OPA1: variants seen among roughly 807,000 people sequenced by gnomAD.
The protein encoded by OPA1 is dynamin-like GTPase OPA1, mitochondrial.
OPA1 carries 59 observed loss-of-function variants against 152.9 expected under a neutral mutation model. The ratio of observed to expected loss-of-function variants is 0.39; its 90% CI spans 0.31 to 0.48. The LOEUF (loss-of-function observed/expected upper bound fraction) is 0.48. Among genes scored for constraint, OPA1 ranks in the 20% least tolerant of loss-of-function variants. OPA1 has a pLI of 0.96. For synonymous variants in OPA1, 400 were observed against 389.9 expected, an observed-to-expected ratio of 1.03 and a Z score of -0.31; for missense variants, 1,008 against 1,216.8, an observed-to-expected ratio of 0.83 and a Z score of 2.55.
chr3:193,616,469 CCTTT>C (rs1389621160), intron 3 of OPA1, among the ~76,000 whole-genome samples: 3 of 152,150 alleles, frequency 2.0e-5, no homozygotes, highest in African/African-American at 7.2e-5. Flanking sequence ...TGCCAAGTAG[CCTTT>C]CTATTAATAA....
At chr3:193,606,115 G>A (rs567866819) in intron 1 of OPA1, among the ~76,000 whole-genome samples, 8 of 152,214 alleles carry the variant, frequency 5.3e-5, no homozygotes, top group African/African-American at 1.9e-4. Context: ...GGCCTAGAGG[G>A]AGGTTTATCA....
At chr3:193,670,492 G>A (rs771357114) in intron 29 of OPA1, among the ~76,000 whole-genome samples, 40 of 149,044 alleles carry the variant, frequency 2.7e-4, no homozygotes, top group Non-Finnish European at 4.4e-4. Flanking sequence ...TCTGCCTCCC[G>A]AGTAGCTGGG....
At chr3:193,644,220 A>G in intron 16 of OPA1, 115 bp downstream of exon 16, 1 of 1,231,360 alleles carries the variant, frequency 8.1e-7, no homozygotes, top group Non-Finnish European at 1.2e-6. Flanking sequence ...TACAACTAAG[A>G]TTTATTACAA....
chr3:193,654,948 A>G lies in OPA1; in HGVS notation c.2099A>G (p.Asn700Ser), dbSNP rs142694017. ...TACCTTCCAGCTGCGCAGACCATGAATTCAGGAACTTTTAACACCACAGTG... is the reference window on the plus strand; with the variant it reads ...TACCTTCCAGCTGCGCAGACCATGAGTTCAGGAACTTTTAACACCACAGTG... ...NIYLPAAQTMNSGTFNTTVDI... is the reference protein window; with the variant it reads ...NIYLPAAQTMSSGTFNTTVDI... Residue 700 changes from asparagine (N) to serine (S), a missense_variant, in exon 22 of 31, where the codon AAT becomes AGT. Coordinates refer to ENST00000361510, the MANE Select transcript of OPA1 (RefSeq NM_130837.3). 19 of 1,614,012 alleles carry G rather than the reference A, an allele frequency of 1.2e-5. No homozygotes were observed. In the African/African-American group the frequency reaches 2.5e-4, roughly 22 times the overall value.
intron 11 of OPA1, among the ~76,000 whole-genome samples, chr3:193,642,536 CTTG>C (rs1733941906): frequency 6.6e-6 from 1 of 152,174 alleles, no homozygotes; most frequent in African/African-American, 2.4e-5. Flanking sequence ...AACCAGCATT[CTTG>C]TTGGGAAATC....
chr3:193,605,609 T>A (rs1388663467), intron 1 of OPA1, among the ~76,000 whole-genome samples: 1 of 152,220 alleles, frequency 6.6e-6, no homozygotes, highest in Non-Finnish European at 1.5e-5. Context: ...GTTTCGATCT[T>A]ATCAATTTCT....
chr3:193,637,863 TA>T, intron 10 of OPA1, 88 bp from the exon 11 acceptor site: 3 of 1,094,336 alleles, frequency 2.7e-6, no homozygotes, highest in Non-Finnish European at 4.1e-6. Context: ...TTTAAAAGAC[TA>T]AAAAACTCAG....
At chr3:193,688,561 T>G (rs1329301483) in intron 29 of OPA1, among the ~76,000 whole-genome samples, 1 of 140,878 alleles carries the variant, frequency 7.1e-6, no homozygotes, top group Non-Finnish European at 1.5e-5. Flanking sequence ...CACTGCAACC[T>G]CCGCCTCCCG....
At chr3:193,597,761 AG>A (rs1239258168) in intron 1 of OPA1, among the ~76,000 whole-genome samples, 1 of 151,740 alleles carries the variant, frequency 6.6e-6, no homozygotes, top group Non-Finnish European at 1.5e-5. Flanking sequence ...TAGCTAGAGC[AG>A]GGAAATGGGG....
rs527411379 is a variant in OPA1, at chr3:193,625,287, A to G, written c.679-805A>G. 2.2e-3 allele frequency among the ~76,000 whole-genome samples: 330 copies of G among 152,156 alleles called. 3 individuals carry two copies. Among genetic ancestry groups the G allele is most frequent in the Middle Eastern group, 0.014 (4 of 294 alleles). On this transcript the variant is annotated intron_variant, in intron 6 of 30. Coordinates refer to ENST00000361510, the MANE Select transcript of OPA1 (RefSeq NM_130837.3). ...AAGGTGATTTTTTGTGCATAGGTCCAAACTGTGTTTTGTTTTCATTTCAGA... is the reference window on the plus strand; with the variant it reads ...AAGGTGATTTTTTGTGCATAGGTCCGAACTGTGTTTTGTTTTCATTTCAGA...
At position 193,654,016 on chromosome 3, in the gene OPA1, C is replaced by T. The variant is rs1362560510; in HGVS notation, c.2013-846C>T. The stretch of plus-strand genomic sequence containing the variant: ...TTAAACATGTAATTACCATATGATC[C>T]AAACATTCCACTCTTAGGTATTTAC... On this transcript the variant is annotated intron_variant, in intron 21 of 30. Coordinates refer to ENST00000361510, the MANE Select transcript of OPA1 (RefSeq NM_130837.3). 2.6e-5 allele frequency among the ~76,000 whole-genome samples: 4 copies of T among 152,032 alleles called. No homozygotes were observed. The East Asian group carries it at 7.7e-4, about 29-fold the overall frequency.
chr3:193,668,445 A>G, intron 29 of OPA1: 1 of 1,550,520 alleles, frequency 6.4e-7, no homozygotes, highest in Non-Finnish European at 8.7e-7. Context: ...TTCGTCATGG[A>G]GTCCCTTTTA....
chr3:193,623,577 C>T (rs1314564419), intron 6 of OPA1, among the ~76,000 whole-genome samples: 1 of 152,036 alleles, frequency 6.6e-6, no homozygotes, highest in African/African-American at 2.4e-5. Flanking sequence ...AGCCAGGAGT[C>T]AGGAGATATT....
At chr3:193,663,496 C>G (rs917465437) in intron 26 of OPA1, among the ~76,000 whole-genome samples, 1 of 152,028 alleles carries the variant, frequency 6.6e-6, no homozygotes, top group Admixed American at 6.6e-5. Context: ...TTTTGCTTAC[C>G]TTCATGATGC....
rs1730130341 is a variant in OPA1 at position 193,621,756 on chromosome 3, GA to G, written c.678+2826del. ...ATTTGAAAACGTATGTCCACTGGAG[GA>G]AAAAAGACATAGCCCTGGATGTGAA... On this transcript the variant is annotated intron_variant, in intron 6 of 30. Coordinates refer to ENST00000361510, the MANE Select transcript of OPA1 (RefSeq NM_130837.3). 5.9e-5 allele frequency among the ~76,000 whole-genome samples: 9 copies of G among 152,204 alleles called. No homozygotes were observed. The South Asian group carries it at 1.9e-3, about 32-fold the overall frequency.
chr3:193,692,031 A>G (rs1448872521), intron 29 of OPA1, 32 bp from the exon 30 acceptor site: 10 of 1,273,930 alleles, frequency 7.8e-6, no homozygotes, highest in Admixed American at 2.0e-5. Flanking sequence ...CCTTTGAAAA[A>G]TAAATGTTTT....
At chr3:193,653,342 A>G (rs1402157320) in intron 21 of OPA1, among the ~76,000 whole-genome samples, 1 of 152,188 alleles carries the variant, frequency 6.6e-6, no homozygotes. Flanking sequence ...CTTGGAGGGT[A>G]GGAGATGTTG....
At chr3:193,601,771 GA>G (rs763608520) in intron 1 of OPA1, among the ~76,000 whole-genome samples, 1 of 152,160 alleles carries the variant, frequency 6.6e-6, no homozygotes, top group South Asian at 2.1e-4. Context: ...TTTATCAGTT[GA>G]AAAAGAGTGT....
At chr3:193,672,742 G>T (rs1305484967) in intron 29 of OPA1, among the ~76,000 whole-genome samples, 1 of 151,838 alleles carries the variant, frequency 6.6e-6, no homozygotes, top group African/African-American at 2.4e-5. Flanking sequence ...GGTGGCAGGC[G>T]CCTGTAATTC....
Sources: gnomAD v4.1 joint callset for allele counts (sites outside exome capture counted in the v4.1 genomes callset) on GRCh38, gnomAD v4.1.1 for gene constraint, MANE v1.5 for transcripts, NCBI Gene and HGNC (gene_info 2026-07-23, HGNC 2026-07-21) for gene names.